Variants in PCAT7 observed in about 807,000 individuals in gnomAD.
The protein encoded by PCAT7 is prostate cancer associated transcript 7, also known as prostate cancer associated transcript 7 (non-protein coding).
At chr9:94,570,315 T>A (rs2679602) in intron 2 of PCAT7, 40,160 of 152,154 alleles carry the variant, frequency 0.26, 6,712 homozygotes, top group East Asian at 0.53. Flanking sequence ...GTAGAGTAAT[T>A]AAAGCACAGA....
chr9:94,570,549 TACA>T (rs1202674314), intron 2 of PCAT7: 2 of 152,250 alleles, frequency 1.3e-5, no homozygotes, highest in Admixed American at 6.5e-5. Flanking sequence ...GCTGTTATTC[TACA>T]ACAACTTTAG....
intron 1 of PCAT7, among the ~76,000 whole-genome samples, chr9:94,556,699 G>A (rs1164861713): frequency 6.6e-6 from 1 of 152,126 alleles, no homozygotes; most frequent in Non-Finnish European, 1.5e-5. Flanking sequence ...TAAGTTTAAC[G>A]TAATTACATC....
intron 1 of PCAT7, chr9:94,558,670 T>G: frequency 2.5e-6 from 1 of 405,428 alleles, no homozygotes; most frequent in Non-Finnish European, 4.5e-6. Context: ...CAGACGGAAT[T>G]ATAACCATAT....
chr9:94,569,113 G>T (rs1015694571), intron 2 of PCAT7: 3 of 152,282 alleles, frequency 2.0e-5, no homozygotes, highest in African/African-American at 7.2e-5. Flanking sequence ...AAAGTGCCCT[G>T]ACTTGCTTTG....
At position 94,563,564 on chromosome 9, in the gene PCAT7, A is replaced by G. The variant is rs113740189; in HGVS notation, n.441+4412A>G. Reference sequence around the variant, plus strand: ...GTTGGTGTGACCTCTGCCTTCTTGAATCCCTATCCTCCACCCACTAGTGTA... The same window carrying G: ...GTTGGTGTGACCTCTGCCTTCTTGAGTCCCTATCCTCCACCCACTAGTGTA... On this transcript the variant is annotated intron_variant and non_coding_transcript_variant, in intron 2 of 8. Coordinates refer to ENST00000647389, the Ensembl canonical transcript of PCAT7. 39 of 1,275,632 alleles carry G rather than the reference A, an allele frequency of 3.1e-5. No homozygotes were observed. In the African/African-American group the frequency reaches 4.3e-4, roughly 14 times the overall value. 79.0% of individuals were successfully genotyped at this position (1,275,632 alleles called of 1,614,324 possible). A position where few individuals can be genotyped will look rare whatever the true frequency, so the allele number is the denominator to read the frequency against.
At chr9:94,565,457 TTTG>T (rs1293215327) in intron 2 of PCAT7, among the ~76,000 whole-genome samples, 3 of 152,218 alleles carry the variant, frequency 2.0e-5, no homozygotes, top group African/African-American at 4.8e-5. Flanking sequence ...TCTTATATTT[TTTG>T]TTGTCTTTAT....
intron 1 of PCAT7, among the ~76,000 whole-genome samples, chr9:94,557,727 G>A (rs1827031517): frequency 6.6e-6 from 1 of 152,142 alleles, no homozygotes; most frequent in African/African-American, 2.4e-5. Context: ...TGAATTTCTA[G>A]GTTAAGCCTG....
At chr9:94,561,352 A>ACTTTTTT (rs1827097696) in intron 2 of PCAT7, among the ~76,000 whole-genome samples, 9 of 54,990 alleles carry the variant, frequency 1.6e-4, no homozygotes, top group African/African-American at 7.0e-4. Flanking sequence ...TGTGACCTGT[A>ACTTTTTT]TTTTTTTTTT....
intron 1 of PCAT7, among the ~76,000 whole-genome samples, chr9:94,556,587 G>A (rs902431885): frequency 2.6e-5 from 4 of 152,174 alleles, no homozygotes; most frequent in African/African-American, 7.2e-5. Context: ...GATGTTTTGT[G>A]TATTAACCTC....
chr9:94,574,355 A>G (rs1827297045), intron 3 of PCAT7, among the ~76,000 whole-genome samples: 1 of 152,170 alleles, frequency 6.6e-6, no homozygotes, highest in East Asian at 1.9e-4. Flanking sequence ...AACTTTGTCA[A>G]TTTGACAGGT....
chr9:94,558,457 G>GTA (rs1827040916), intron 1 of PCAT7, among the ~76,000 whole-genome samples: 1 of 152,018 alleles, frequency 6.6e-6, no homozygotes, highest in East Asian at 1.9e-4. Context: ...ACCACGCCCG[G>GTA]CTAATTTTTG....
intron 1 of PCAT7, chr9:94,558,865 C>G (rs1827048628): frequency 2.2e-6 from 3 of 1,382,176 alleles, no homozygotes; most frequent in East Asian, 4.6e-5. Flanking sequence ...GCTACCATCT[C>G]TGTTTATCGT....
intron 2 of PCAT7, among the ~76,000 whole-genome samples, chr9:94,566,373 C>G (rs1481641965): frequency 6.6e-6 from 1 of 152,286 alleles, no homozygotes; most frequent in Non-Finnish European, 1.5e-5. Context: ...TAAAGGCATT[C>G]TTAAGCCACA....
chr9:94,561,707 A>G (rs1161140725), intron 2 of PCAT7, among the ~76,000 whole-genome samples: 1 of 152,214 alleles, frequency 6.6e-6, no homozygotes, highest in African/African-American at 2.4e-5. Flanking sequence ...ACAGCTATAC[A>G]GATGCAGACA....
chr9:94,567,509 C>A, intron 2 of PCAT7: 1 of 1,414,476 alleles, frequency 7.1e-7, no homozygotes, highest in African/African-American at 1.4e-5. Context: ...GGCCTGCTGG[C>A]AGAGCTGGGG....
At chr9:94,563,494 G>A in intron 2 of PCAT7, 1 of 1,603,796 alleles carries the variant, frequency 6.2e-7, no homozygotes, top group Non-Finnish European at 8.5e-7. Context: ...ACAAGATCCA[G>A]TGGCTTTCAG....
chr9:94,567,655 A>T, intron 2 of PCAT7: 3 of 448,470 alleles, frequency 6.7e-6, no homozygotes, highest in Non-Finnish European at 1.2e-5. Context: ...GAAGCAGCCC[A>T]TAGTCTTCTT....
chr9:94,559,940 G>A (rs1384891627), intron 2 of PCAT7, among the ~76,000 whole-genome samples: 1 of 152,098 alleles, frequency 6.6e-6, no homozygotes, highest in African/African-American at 2.4e-5. Context: ...CCCCATTTGA[G>A]ATAGTGAGAC....
chr9:94,573,740 AAG>A (rs1827291498), intron 3 of PCAT7, among the ~76,000 whole-genome samples: 1 of 152,174 alleles, frequency 6.6e-6, no homozygotes, highest in Admixed American at 6.5e-5. Context: ...ATATTTTGTT[AAG>A]AGTTTTTGCA....
Sources: gnomAD v4.1 joint callset for allele counts (sites outside exome capture counted in the v4.1 genomes callset) on GRCh38, gnomAD v4.1.1 for gene constraint, MANE v1.5 for transcripts, NCBI Gene and HGNC (gene_info 2026-07-23, HGNC 2026-07-21) for gene names.